Variants in ADCY7 observed in about 807,000 individuals in gnomAD.
The protein encoded by ADCY7 is adenylate cyclase type 7.
Under a neutral mutation model 120.6 loss-of-function variants are expected in ADCY7, and 72 were observed. That is an observed-to-expected ratio of 0.60 (90% CI 0.49 to 0.73). The LOEUF (loss-of-function observed/expected upper bound fraction) is 0.73. Ranked by LOEUF, ADCY7 falls within the 30% of genes least tolerant of loss-of-function variation. The pLI is 0.00. For synonymous variants in ADCY7, 661 were observed against 628.0 expected (o/e 1.05, Z -0.78); for missense variants, 1,227 against 1,486.0 (o/e 0.83, Z 2.87).
intron 12 of ADCY7, 130 bp downstream of exon 12, chr16:50,305,089 C>T: frequency 1.6e-6 from 2 of 1,214,550 alleles, no homozygotes; most frequent in South Asian, 2.5e-5. Context: ...TTGGCCAGGG[C>T]TTGGGTCAAA....
At chr16:50,310,364 G>T in intron 18 of ADCY7, 2 of 1,155,918 alleles carry the variant, frequency 1.7e-6, no homozygotes, top group South Asian at 1.3e-5. Context: ...GAGGTCCTTT[G>T]GGAGGGTAAG....
intron 7 of ADCY7, among the ~76,000 whole-genome samples, chr16:50,296,974 G>C (rs887124061): frequency 6.6e-6 from 1 of 152,222 alleles, no homozygotes; most frequent in African/African-American, 2.4e-5. Flanking sequence ...CCCAGAGGTT[G>C]GGCCTCATGT....
At chr16:50,279,011 A>G (rs1335173299) in intron 1 of ADCY7, among the ~76,000 whole-genome samples, 1 of 151,938 alleles carries the variant, frequency 6.6e-6, no homozygotes, top group African/African-American at 2.4e-5. Context: ...AGCTGGGACT[A>G]TAGGCACGCA....
intron 1 of ADCY7, among the ~76,000 whole-genome samples, chr16:50,260,436 G>C (rs1052090666): frequency 1.3e-5 from 2 of 152,258 alleles, no homozygotes; most frequent in African/African-American, 4.8e-5. Context: ...GCTGGATCCA[G>C]GGGCTCAAAT....
intron 18 of ADCY7, 123 bp from the exon 19 acceptor site, chr16:50,310,564 G>C: frequency 6.4e-7 from 1 of 1,563,168 alleles, no homozygotes; most frequent in East Asian, 2.4e-5. Flanking sequence ...GTTGAGAAGG[G>C]AGGTGGTAAG....
chr16:50,311,606 C>T lies in ADCY7; in HGVS notation c.2355-87C>T, dbSNP rs2036464883. The T allele has an allele frequency of 7.5e-6, 7 of 939,034 alleles. No homozygotes were observed. In the African/African-American group the frequency reaches 8.1e-5, roughly 11 times the overall value. 58.2% of individuals were successfully genotyped at this position (939,034 alleles called of 1,614,324 possible). Reference sequence around the variant, plus strand: ...ATTAGAATCAATTTTCCCCTTTCCCCTGGGTGTGCGTGGCACCTGGAGAGC... The same window carrying T: ...ATTAGAATCAATTTTCCCCTTTCCCTTGGGTGTGCGTGGCACCTGGAGAGC... On this transcript the variant is annotated intron_variant, in intron 19 of 25. Transcript: ENST00000673801.
chr16:50,301,113 C>T lies in ADCY7; in HGVS notation c.1267C>T (p.His423Tyr), dbSNP rs748018090. Residue 423 changes from histidine to tyrosine, a missense_variant, in exon 10 of 26, where the codon CAC becomes TAC. Around this residue, in one of 5 missense-constraint regions of ADCY7, gnomAD observed 332 missense variants for 455.8 expected, o/e 0.73. Transcript: ENST00000673801. Reference protein sequence around the residue: ...RVHITEATLKHLDKAYEVEDG... With the variant: ...RVHITEATLKYLDKAYEVEDG... ...GCACATCACGGAGGCCACGCTAAAGCACCTGGACAAGGCGTACGAGGTGGA... is the reference window on the plus strand; with the variant it reads ...GCACATCACGGAGGCCACGCTAAAGTACCTGGACAAGGCGTACGAGGTGGA... 7 of 1,613,862 alleles carry T rather than the reference C, an allele frequency of 4.3e-6. No homozygotes were observed. Among genetic ancestry groups the T allele is most frequent in the Non-Finnish European group, 5.1e-6 (6 of 1,179,966 alleles).
In ADCY7 at chr16:50,305,884, C is replaced by T. The variant is rs201590891; in HGVS notation, c.1752+35C>T. On this transcript the variant is annotated intron_variant, in intron 14 of 25. Coordinates refer to ENST00000673801, the MANE Select transcript of ADCY7 (RefSeq NM_001114.5). ...CCCAGCAGCCTCCTCCGCAGAGGGACGGGGTCTCCAGGCCTGGGGTAGGGT... is the reference window on the plus strand; with the variant it reads ...CCCAGCAGCCTCCTCCGCAGAGGGATGGGGTCTCCAGGCCTGGGGTAGGGT... The T allele has an allele frequency of 1.9e-5, 31 of 1,605,504 alleles. No homozygotes were observed. The African/African-American group carries it at 2.5e-4, about 13-fold the overall frequency.
rs1292776396 is a variant in ADCY7 at position 50,312,180 on chromosome 16, A to T, written c.2593A>T (p.Lys865Ter). 5 of 1,613,554 alleles carry T rather than the reference A, an allele frequency of 3.1e-6. No individual in the cohort carries two copies. The highest frequency in any genetic ancestry group is 4.2e-6 in the Non-Finnish European group (5 of 1,179,980). ...CGTGGCTGCCCACTTTATCGGTGAC[A>T]AGTTAAACGAGGTGTGCTGAGAAGG... ...AHVAAHFIGD[K>*]LNEDWYHQSY... Residue 865 changes from lysine (K) to a stop codon, truncating the protein, a stop_gained, in exon 21 of 26, where the codon AAG becomes TAG. Coordinates refer to ENST00000673801, the MANE Select transcript of ADCY7 (RefSeq NM_001114.5). LOFTEE classifies it high-confidence loss of function.
intron 17 of ADCY7, 85 bp from the exon 18 acceptor site, chr16:50,309,463 T>C: frequency 8.9e-7 from 1 of 1,117,608 alleles, no homozygotes; most frequent in Admixed American, 1.9e-5. Flanking sequence ...GTGATACTCA[T>C]GGTTGCCTGG....
chr16:50,298,604 G>A (rs1183284107), intron 7 of ADCY7, among the ~76,000 whole-genome samples: 1 of 152,214 alleles, frequency 6.6e-6, no homozygotes. Context: ...CTGGGGCCGG[G>A]TACTCAGTAG....
Position 50,288,117 on chromosome 16 carries a change from T to A in ADCY7, c.-63T>A. 1.4e-6 allele frequency: 2 copies of A among 1,477,344 alleles called. No individual in the cohort carries two copies. Among genetic ancestry groups the A allele is most frequent in the Non-Finnish European group, 1.8e-6 (2 of 1,108,126 alleles). 91.5% of individuals were successfully genotyped at this position (1,477,344 alleles called of 1,614,324 possible). A position where few individuals can be genotyped will look rare whatever the true frequency, so the allele number is the denominator to read the frequency against. Reference sequence around the variant, plus strand: ...ACGGGGGAGGGTGTTGGCAGACAGATGCCCTCCAGGCCCTGGGGCCTCCTT... The same window carrying A: ...ACGGGGGAGGGTGTTGGCAGACAGAAGCCCTCCAGGCCCTGGGGCCTCCTT... On this transcript the variant is annotated 5_prime_UTR_variant, in exon 2 of 26. It removes an upstream start codon present in the reference 5' UTR. Transcript: ENST00000673801.
At chr16:50,255,937 A>G (rs2032906900) in intron 1 of ADCY7, among the ~76,000 whole-genome samples, 1 of 152,230 alleles carries the variant, frequency 6.6e-6, no homozygotes, top group African/African-American at 2.4e-5. Flanking sequence ...CTCAAAATGG[A>G]CTGAAGACTT....
chr16:50,312,660 C>G (rs2036552629), intron 21 of ADCY7, among the ~76,000 whole-genome samples: 3 of 152,332 alleles, frequency 2.0e-5, no homozygotes, highest in South Asian at 4.1e-4. Context: ...TGGAAACACC[C>G]ATGGTGCTTC....
At chr16:50,308,945 C>T (rs2036266964) in intron 17 of ADCY7, 153 bp downstream of exon 17, 2 of 946,564 alleles carry the variant, frequency 2.1e-6, no homozygotes, top group South Asian at 4.3e-5. Flanking sequence ...ACACTCAGGG[C>T]TCCTCACCTT....
chr16:50,286,820 T>C (rs1280358950), intron 1 of ADCY7, among the ~76,000 whole-genome samples: 1 of 152,110 alleles, frequency 6.6e-6, no homozygotes, highest in Non-Finnish European at 1.5e-5. Flanking sequence ...AATATCCATA[T>C]GGAAAAAAGA....
chr16:50,258,134 G>A (rs1349653906), intron 1 of ADCY7, among the ~76,000 whole-genome samples: 1 of 152,174 alleles, frequency 6.6e-6, no homozygotes, highest in Non-Finnish European at 1.5e-5. Context: ...TACTCGAGAG[G>A]CTGAGGCAGG....
chr16:50,311,481 G>C (rs933450679), intron 19 of ADCY7, among the ~76,000 whole-genome samples: 3 of 152,116 alleles, frequency 2.0e-5, no homozygotes, highest in African/African-American at 4.8e-5. Context: ...TCAGGGGTGA[G>C]ATCAGAGGTC....
intron 1 of ADCY7, among the ~76,000 whole-genome samples, chr16:50,256,370 G>A (rs973913232): frequency 6.6e-6 from 1 of 152,166 alleles, no homozygotes; most frequent in African/African-American, 2.4e-5. Flanking sequence ...AAACCACAGT[G>A]AGGTATCATC....
Sources: allele counts gnomAD v4.1 joint callset (sites outside exome capture counted in the v4.1 genomes callset), GRCh38; gene constraint gnomAD v4.1.1; regional missense constraint gnomAD v4.1.1; transcripts MANE v1.5; gene names NCBI Gene and HGNC (gene_info 2026-07-23, HGNC 2026-07-21).